Variants in HIVEP1 observed in about 807,000 individuals in gnomAD.
The protein encoded by HIVEP1 is zinc finger protein 40.
A neutral mutation model predicts 180.0 loss-of-function variants in HIVEP1; 36 were observed. The ratio of observed to expected loss-of-function variants is 0.20; its 90% CI spans 0.15 to 0.26. The LOEUF is 0.26. Ranked by LOEUF, HIVEP1 falls within the 10% of genes least tolerant of loss-of-function variation. HIVEP1 has a pLI of 1.00. For missense variants in HIVEP1, 3,143 were observed against 3,268.7 expected, an observed-to-expected ratio of 0.96 and a Z score of 0.94; for synonymous variants, 1,239 against 1,239.0, an observed-to-expected ratio of 1.00 and a Z score of 0.00.
At chr6:12,192,848 CTT>C in the HIVEP1 span, among the ~76,000 whole-genome samples, 13 of 145,260 alleles carry the variant, frequency 8.9e-5, no homozygotes, top group Admixed American at 1.4e-4. Flanking sequence ...TTGAAACATA[CTT>C]TTTTTTTTTT....
At chr6:12,023,718 G>A (rs1283066427) in intron 2 of HIVEP1, among the ~76,000 whole-genome samples, 1 of 151,988 alleles carries the variant, frequency 6.6e-6, no homozygotes, top group Non-Finnish European at 1.5e-5. Context: ...CTTTCTGAAT[G>A]CTTATTAACG....
At chr6:12,040,912 C>A (rs894733607) in intron 2 of HIVEP1, among the ~76,000 whole-genome samples, 27 of 152,114 alleles carry the variant, frequency 1.8e-4, no homozygotes, top group Non-Finnish European at 3.7e-4. Context: ...TTTTAAACAA[C>A]CAGATCTCAG....
intron 2 of HIVEP1, among the ~76,000 whole-genome samples, chr6:12,028,700 C>T (rs1209045413): frequency 1.3e-5 from 2 of 152,200 alleles, no homozygotes; most frequent in Non-Finnish European, 1.5e-5. Context: ...ATTTGTTTTA[C>T]AGCTTTATTA....
intron 3 of HIVEP1, among the ~76,000 whole-genome samples, chr6:12,101,297 A>G (rs987859963): frequency 6.6e-6 from 1 of 152,172 alleles, no homozygotes; most frequent in African/African-American, 2.4e-5. Context: ...TACTCTAAGT[A>G]TATACTTGGT....
chr6:12,108,915 C>T (rs935757578), intron 3 of HIVEP1, among the ~76,000 whole-genome samples: 11 of 152,220 alleles, frequency 7.2e-5, no homozygotes, highest in East Asian at 1.9e-4. Context: ...CGAGAGGGAG[C>T]GAGGGCTCTC....
At chr6:12,115,409 G>A (rs752008999) in intron 3 of HIVEP1, among the ~76,000 whole-genome samples, 1 of 97,130 alleles carries the variant, frequency 1.0e-5, no homozygotes, top group South Asian at 3.3e-4. Flanking sequence ...TTTCTAAGCT[G>A]TTCTTGACTC....
chr6:12,091,311 GT>G (rs1773460007), intron 3 of HIVEP1, among the ~76,000 whole-genome samples: 1 of 151,948 alleles, frequency 6.6e-6, no homozygotes, highest in African/African-American at 2.4e-5. Flanking sequence ...CGTACTTTGG[GT>G]TTTTTCACCC....
At chr6:12,180,634 C>G in the HIVEP1 span, among the ~76,000 whole-genome samples, 1 of 152,136 alleles carries the variant, frequency 6.6e-6, no homozygotes, top group Admixed American at 6.6e-5. Context: ...AACACCACGT[C>G]ATTTTCTTTA....
chr6:12,012,146 T>G (rs1767372185), upstream of HIVEP1: 1 of 127,718 alleles, frequency 7.8e-6, no homozygotes. Context: ...CCAGCCCGGC[T>G]GCCCGGCTCC....
At chr6:12,161,955 A>T in intron 8 of HIVEP1, 26 bp downstream of exon 8, 1 of 1,567,848 alleles carries the variant, frequency 6.4e-7, no homozygotes. Context: ...TTGTTCTTTT[A>T]TTTCTTTTTT....
intron 3 of HIVEP1, among the ~76,000 whole-genome samples, chr6:12,095,006 A>G (rs1035471926): frequency 6.6e-6 from 1 of 152,018 alleles, no homozygotes; most frequent in African/African-American, 2.4e-5. Context: ...TATTTTTCTT[A>G]TAATTTATCC....
Position 12,124,513 on chromosome 6 carries a change from G to C in HIVEP1, c.4718G>C (p.Cys1573Ser). 6.2e-7 allele frequency: 1 copy of C among 1,614,100 alleles called. No individual in the cohort carries two copies. Among genetic ancestry groups the C allele is most frequent in the African/African-American group, 1.3e-5 (1 of 75,026 alleles). The change falls in exon 4 of 9, where the codon TGC (cysteine) becomes TCC (serine). Residue 1573 changes from cysteine to serine, a missense_variant. Coordinates refer to ENST00000379388, the MANE Select transcript of HIVEP1 (RefSeq NM_002114.4). The stretch of plus-strand genomic sequence containing the variant: ...CAGGTTTTCACTTCAGGCCCATCTT[G>C]CTCTTCTAATCCTGTGCATTCTTTG... ...HCQVFTSGPS[C>S]SSNPVHSLPN...
At chr6:12,041,338 C>T (rs541213602) in intron 2 of HIVEP1, among the ~76,000 whole-genome samples, 5 of 143,030 alleles carry the variant, frequency 3.5e-5, no homozygotes, top group South Asian at 2.4e-4. Context: ...AGGAGAATGG[C>T]GTGAACCCGG....
intron 2 of HIVEP1, chr6:12,037,913 C>T (rs1216849818): frequency 5.1e-6 from 2 of 391,522 alleles, no homozygotes; most frequent in East Asian, 7.3e-5. Context: ...GAGTTCCTCA[C>T]TTTGTTGCCC....
intron 2 of HIVEP1, among the ~76,000 whole-genome samples, chr6:12,076,121 T>C (rs947688287): frequency 2.0e-5 from 3 of 152,196 alleles, no homozygotes; most frequent in African/African-American, 7.2e-5. Flanking sequence ...TTACCATTGG[T>C]CTTTGTTTTT....
intron 3 of HIVEP1, among the ~76,000 whole-genome samples, chr6:12,089,683 T>C (rs1218119577): frequency 1.3e-5 from 2 of 152,030 alleles, no homozygotes; most frequent in African/African-American, 4.8e-5. Flanking sequence ...AGTTGAATCA[T>C]TTGTAGTATA....
chr6:12,210,507 CAAT>C, the HIVEP1 span, among the ~76,000 whole-genome samples: 1 of 151,994 alleles, frequency 6.6e-6, no homozygotes, highest in Non-Finnish European at 1.5e-5. Flanking sequence ...TAAAAGCCAT[CAAT>C]AATGCTGTTA....
chr6:12,017,960 C>T (rs988985668), intron 2 of HIVEP1, among the ~76,000 whole-genome samples: 1 of 152,192 alleles, frequency 6.6e-6, no homozygotes, highest in African/African-American at 2.4e-5. Flanking sequence ...GACTGGGCGC[C>T]TAGGAACAGG....
intron 7 of HIVEP1, among the ~76,000 whole-genome samples, chr6:12,152,489 G>A (rs890014222): frequency 2.0e-5 from 3 of 152,120 alleles, no homozygotes; most frequent in African/African-American, 7.2e-5. Flanking sequence ...GGGCAGAGTT[G>A]TCTGTGCTTT....
Sources: allele counts gnomAD v4.1 joint callset (sites outside exome capture counted in the v4.1 genomes callset), GRCh38; gene constraint gnomAD v4.1.1; transcripts MANE v1.5; gene names NCBI Gene and HGNC (gene_info 2026-07-23, HGNC 2026-07-21).